The following HDAC9 variants were observed in gnomAD, a reference collection of about 807,000 sequenced individuals.
The protein encoded by HDAC9 is MEF-2 interacting transcription repressor (MITR) protein.
HDAC9 carries 41 observed loss-of-function variants against 139.4 expected under a neutral mutation model. The observed-to-expected ratio is 0.29, with a 90% confidence interval of 0.23 to 0.38. The LOEUF (loss-of-function observed/expected upper bound fraction) is 0.38, where lower values mean the gene tolerates loss of function less well. Among genes scored for constraint, HDAC9 ranks in the 10% least tolerant of loss-of-function variants. HDAC9 has a pLI of 1.00. For missense variants in HDAC9, 1,147 were observed against 1,297.0 expected (o/e 0.88, Z 1.78); for synonymous variants, 517 against 476.2 (o/e 1.09, Z -1.12).
At chr7:18,842,330 C>G (rs964507308) in intron 21 of HDAC9, among the ~76,000 whole-genome samples, 1 of 152,074 alleles carries the variant, frequency 6.6e-6, no homozygotes, top group African/African-American at 2.4e-5. Flanking sequence ...CTTTCCCAGA[C>G]CATTTATCAT....
intron 14 of HDAC9, among the ~76,000 whole-genome samples, chr7:18,755,288 T>C (rs1475293548): frequency 6.6e-6 from 1 of 152,174 alleles, no homozygotes; most frequent in Non-Finnish European, 1.5e-5. Flanking sequence ...ATTTAGGATT[T>C]CTTTTAACAA....
intron 2 of HDAC9, among the ~76,000 whole-genome samples, chr7:18,233,361 T>C (rs1038163420): frequency 2.2e-4 from 33 of 152,050 alleles, no homozygotes; most frequent in African/African-American, 6.5e-4. Flanking sequence ...CTGTTTCATC[T>C]CTTGGACCAT....
intron 1 of HDAC9, among the ~76,000 whole-genome samples, chr7:18,332,059 C>G (rs1800964399): frequency 6.6e-6 from 1 of 151,648 alleles, no homozygotes; most frequent in African/African-American, 2.4e-5. Flanking sequence ...GCCCGTCATT[C>G]AGATGTTTAA....
chr7:18,670,416 C>T (rs1256194678), intron 12 of HDAC9, among the ~76,000 whole-genome samples: 1 of 152,036 alleles, frequency 6.6e-6, no homozygotes, highest in African/African-American at 2.4e-5. Context: ...TTTATAATAA[C>T]ATCTTTGAGG....
chr7:18,990,134 G>C (rs529431019), intron 25 of HDAC9, among the ~76,000 whole-genome samples: 1 of 152,276 alleles, frequency 6.6e-6, no homozygotes, highest in African/African-American at 2.4e-5. Flanking sequence ...GGCACTCTGC[G>C]TTTTAGAGTT....
At chr7:18,916,022 G>GGAAAAAAAAAA (rs1491394538) in intron 22 of HDAC9, among the ~76,000 whole-genome samples, 8 of 138,122 alleles carry the variant, frequency 5.8e-5, no homozygotes, top group Non-Finnish European at 7.8e-5. Context: ...CCCCCCGCTG[G>GGAAAAAAAAAA]AAAAAAAAAA....
chr7:18,483,091 G>A (rs183309651), intron 1 of HDAC9, among the ~76,000 whole-genome samples: 5 of 152,248 alleles, frequency 3.3e-5, no homozygotes, highest in African/African-American at 7.2e-5. Flanking sequence ...AGTAAATTAC[G>A]CTTTATATAC....
chr7:18,858,109 G>A (rs563581006), intron 21 of HDAC9, among the ~76,000 whole-genome samples: 7 of 152,130 alleles, frequency 4.6e-5, no homozygotes, highest in East Asian at 1.9e-4. Context: ...CAGCAGTGTC[G>A]AAATACCACC....
intron 24 of HDAC9, among the ~76,000 whole-genome samples, chr7:18,965,600 A>G (rs1381986339): frequency 1.3e-5 from 2 of 152,242 alleles, no homozygotes; most frequent in African/African-American, 4.8e-5. Flanking sequence ...CATTTGTTCA[A>G]CTATCCTTGT....
intron 2 of HDAC9, among the ~76,000 whole-genome samples, chr7:18,187,398 G>T (rs1178039313): frequency 6.6e-6 from 1 of 152,170 alleles, no homozygotes; most frequent in Non-Finnish European, 1.5e-5. Context: ...TTTCTAGCAA[G>T]TGGCTTTTCT....
chr7:18,817,962 C>CT (rs1455643534), intron 17 of HDAC9, among the ~76,000 whole-genome samples: 2 of 152,186 alleles, frequency 1.3e-5, no homozygotes, highest in Non-Finnish European at 2.9e-5. Context: ...AAAAATGCTT[C>CT]TTAAAGTCAT....
At chr7:18,713,626 A>C (rs1045744630) in intron 12 of HDAC9, among the ~76,000 whole-genome samples, 1 of 152,136 alleles carries the variant, frequency 6.6e-6, no homozygotes, top group Non-Finnish European at 1.5e-5. Flanking sequence ...GCATTTATGC[A>C]AGAAGATTTA....
chr7:18,905,907 CTTTCT>C (rs1457043158), intron 22 of HDAC9, among the ~76,000 whole-genome samples: 4 of 149,564 alleles, frequency 2.7e-5, no homozygotes, highest in Non-Finnish European at 4.5e-5. Context: ...TCCTTCTTTT[CTTTCT>C]TTTCTTTCTC....
intron 1 of HDAC9, among the ~76,000 whole-genome samples, chr7:18,456,436 A>G (rs142472517): frequency 1.3e-5 from 2 of 152,102 alleles, no homozygotes; most frequent in African/African-American, 2.4e-5. Flanking sequence ...GGGTTTCACC[A>G]TGCTGGCCAG....
intron 22 of HDAC9, among the ~76,000 whole-genome samples, chr7:18,901,211 T>TACAC (rs1256127418): frequency 0.011 from 1,424 of 127,192 alleles, 24 homozygotes; most frequent in African/African-American, 0.046. Flanking sequence ...TATATACATA[T>TACAC]ATATATATAT....
intron 22 of HDAC9, among the ~76,000 whole-genome samples, chr7:18,934,617 T>TAA (rs1284516068): frequency 3.3e-5 from 5 of 152,142 alleles, no homozygotes; most frequent in Non-Finnish European, 5.9e-5. Flanking sequence ...ACTCCCCTCT[T>TAA]ACACTGAATG....
At chr7:18,856,160 A>C (rs547206506) in intron 21 of HDAC9, among the ~76,000 whole-genome samples, 1 of 152,250 alleles carries the variant, frequency 6.6e-6, no homozygotes, top group East Asian at 1.9e-4. Flanking sequence ...TTTGGTCCTG[A>C]GAGATACGGC....
At chr7:18,930,359 C>A (rs1177370764) in intron 22 of HDAC9, among the ~76,000 whole-genome samples, 1 of 152,124 alleles carries the variant, frequency 6.6e-6, no homozygotes. Context: ...GTAGGATGAG[C>A]TTTTGTGTCT....
intron 1 of HDAC9, among the ~76,000 whole-genome samples, chr7:18,118,523 C>G (rs890005309): frequency 6.6e-6 from 1 of 152,144 alleles, no homozygotes; most frequent in Non-Finnish European, 1.5e-5. Flanking sequence ...CCCTTATTTT[C>G]TAGCTTGCTT....
Sources: gnomAD v4.1 joint callset for allele counts (sites outside exome capture counted in the v4.1 genomes callset) on GRCh38, gnomAD v4.1.1 for gene constraint, MANE v1.5 for transcripts, NCBI Gene and HGNC (gene_info 2026-07-23, HGNC 2026-07-21) for gene names.